SSBP2: variants seen among roughly 807,000 people sequenced by gnomAD.
SSBP2 encodes the protein single stranded DNA binding protein 2.
In SSBP2, 17 loss-of-function variants were observed where a neutral mutation model predicts 61.8. That is an observed-to-expected ratio of 0.28 (90% confidence interval 0.19 to 0.41). The LOEUF (loss-of-function observed/expected upper bound fraction) is 0.41, where lower values mean the gene tolerates loss of function less well. Ranked by LOEUF, SSBP2 falls within the 10% of genes least tolerant of loss-of-function variation. The probability of loss-of-function intolerance (pLI) is 1.00; values close to 1 mark genes in which losing one functional copy is unlikely to be tolerated. For missense variants in SSBP2, 310 were observed against 458.7 expected, an observed-to-expected ratio of 0.68 and a Z score of 2.96; for synonymous variants, 139 against 141.3, an observed-to-expected ratio of 0.98 and a Z score of 0.12.
At chr5:81,573,306 A>G (rs1773967200) in intron 4 of SSBP2, among the ~76,000 whole-genome samples, 1 of 152,260 alleles carries the variant, frequency 6.6e-6, no homozygotes, top group African/African-American at 2.4e-5. Flanking sequence ...TGAAATGAAA[A>G]GATGCTCTGT....
At chr5:81,609,924 C>T (rs1374717948) in intron 4 of SSBP2, among the ~76,000 whole-genome samples, 4 of 152,162 alleles carry the variant, frequency 2.6e-5, no homozygotes, top group Non-Finnish European at 5.9e-5. Flanking sequence ...AGAAACCACC[C>T]GATTCCAGGT....
rs760273824 is a variant in SSBP2, at chr5:81,428,592, C to T, written c.1049G>A (p.Ser350Asn). ...AGTCAAGGGAATACTTACACTCTCA[C>T]TCTGAAAAGGATTTAAGAAATTTCC... The change falls in exon 16 of 17, where the codon AGT (serine) becomes AAT (asparagine). Residue 350 changes from serine (S) to asparagine (N), a missense_variant. By Grantham distance (46) the Ser-to-Asn change is conservative. Coordinates refer to ENST00000320672, the MANE Select transcript of SSBP2 (RefSeq NM_012446.5). The T allele has an allele frequency of 6.2e-7, 1 of 1,611,992 alleles. No homozygotes were observed.
intron 1 of SSBP2, among the ~76,000 whole-genome samples, chr5:81,668,248 TAAAAAAAAAAA>T (rs11332987): frequency 1.3e-4 from 12 of 94,906 alleles, no homozygotes; most frequent in Admixed American, 2.3e-4. Context: ...TATGGAAGTT[TAAAAAAAAAAA>T]AAAAAAAAAA....
chr5:81,605,620 T>C (rs1343862275), intron 4 of SSBP2, among the ~76,000 whole-genome samples: 1 of 152,128 alleles, frequency 6.6e-6, no homozygotes. Flanking sequence ...AAAATCCTAC[T>C]AGGATTTTTT....
rs116223295 is a variant in SSBP2, at chr5:81,507,493, G to A, written c.372+6135C>T. 4.2e-3 allele frequency among the ~76,000 whole-genome samples: 639 copies of A among 151,926 alleles called. 3 individuals carry two copies. The highest frequency in any genetic ancestry group is 0.014 in the African/African-American group (592 of 41,458). ...AAAATACATGATAAAAGAAAACAAA[G>A]GTCTATATAGAGTTCAAAATTAGAT... On this transcript the variant is annotated intron_variant, in intron 5 of 16. Transcript: ENST00000320672.
intron 4 of SSBP2, among the ~76,000 whole-genome samples, chr5:81,526,702 T>A (rs1769967415): frequency 6.6e-6 from 1 of 152,054 alleles, no homozygotes; most frequent in Non-Finnish European, 1.5e-5. Context: ...TGCAAGCTTT[T>A]TAATTCAACA....
chr5:81,718,445 C>T (rs931941136), intron 1 of SSBP2, among the ~76,000 whole-genome samples: 4 of 152,134 alleles, frequency 2.6e-5, no homozygotes, highest in African/African-American at 9.7e-5. Flanking sequence ...AGTAAGCTAG[C>T]TCATGTCAGA....
At chr5:81,689,312 A>G (rs1354018449) in intron 1 of SSBP2, among the ~76,000 whole-genome samples, 2 of 152,152 alleles carry the variant, frequency 1.3e-5, no homozygotes, top group African/African-American at 4.8e-5. Context: ...TATTCAAAGG[A>G]ATAATAACAG....
intron 4 of SSBP2, among the ~76,000 whole-genome samples, chr5:81,577,265 T>C (rs927337104): frequency 3.3e-5 from 5 of 152,044 alleles, no homozygotes; most frequent in South Asian, 4.1e-4. Context: ...GTTATAAAAA[T>C]CAGCTCTATA....
intron 5 of SSBP2, among the ~76,000 whole-genome samples, chr5:81,501,257 A>G (rs1242065564): frequency 1.5e-5 from 1 of 64,964 alleles, no homozygotes; most frequent in Non-Finnish European, 2.7e-5. Flanking sequence ...ATATATATAT[A>G]TATATATATA....
intron 1 of SSBP2, among the ~76,000 whole-genome samples, chr5:81,659,581 A>C (rs1427087565): frequency 4.6e-5 from 7 of 152,104 alleles, no homozygotes; most frequent in African/African-American, 1.7e-4. Context: ...TGAAAATGGC[A>C]ATACTGCCCT....
At chr5:81,683,302 G>A (rs902573834) in intron 1 of SSBP2, among the ~76,000 whole-genome samples, 1 of 152,150 alleles carries the variant, frequency 6.6e-6, no homozygotes, top group Non-Finnish European at 1.5e-5. Flanking sequence ...CAGTGGAACA[G>A]AATAAAGAGC....
intron 1 of SSBP2, among the ~76,000 whole-genome samples, chr5:81,725,422 C>CACTA (rs1279911126): frequency 6.6e-6 from 1 of 152,030 alleles, no homozygotes; most frequent in Non-Finnish European, 1.5e-5. Context: ...TGAGAATGTA[C>CACTA]ACTAGTACAG....
At chr5:81,454,102 C>T (rs552278736) in intron 10 of SSBP2, among the ~76,000 whole-genome samples, 1 of 152,088 alleles carries the variant, frequency 6.6e-6, no homozygotes, top group Non-Finnish European at 1.5e-5. Context: ...ATTAAAAAGA[C>T]AGGCCAAGGA....
chr5:81,642,858 T>C (rs1748912377), intron 2 of SSBP2, among the ~76,000 whole-genome samples: 1 of 152,148 alleles, frequency 6.6e-6, no homozygotes. Context: ...CTAACATTTG[T>C]ACAAAAAAGA....
intron 4 of SSBP2, among the ~76,000 whole-genome samples, chr5:81,551,681 A>C (rs1392656535): frequency 6.6e-6 from 1 of 152,192 alleles, no homozygotes; most frequent in African/African-American, 2.4e-5. Context: ...ATCTTATTTA[A>C]ATTTTTTGTT....
At chr5:81,514,936 T>C (rs1375799696) in intron 4 of SSBP2, among the ~76,000 whole-genome samples, 2 of 152,090 alleles carry the variant, frequency 1.3e-5, no homozygotes, top group Non-Finnish European at 2.9e-5. Context: ...ATAAGGCATA[T>C]GAATATAAAA....
rs1746623121 is a variant in SSBP2, at chr5:81,622,018, A to G, written c.198-6461T>C. On this transcript the variant is annotated intron_variant, in intron 3 of 16. Transcript: ENST00000320672. ...TATACCTAAGGCTAGATGACGAGTT[A>G]GTGGGTGCAGCGCAGCAGCATGGCA... 2.0e-5 allele frequency among the ~76,000 whole-genome samples: 3 copies of G among 147,272 alleles called. No homozygotes were observed. The South Asian group carries it at 6.8e-4, about 33-fold the overall frequency.
rs144259705 is a variant in SSBP2 at position 81,583,149 on chromosome 5, G to A, written c.282+32324C>T. On this transcript the variant is annotated intron_variant, in intron 4 of 16. Transcript: ENST00000320672. ...GGAGGATCCTTTGATCCCAGGAGTT[G>A]GAGGCTGCAGTGAGCTATGATCATG... Among the ~76,000 whole-genome samples, 687 of 152,206 alleles carry A rather than the reference G, an allele frequency of 4.5e-3. 5 individuals carry two copies. The highest frequency in any genetic ancestry group is 0.015 in the African/African-American group (625 of 41,554).
Sources: gnomAD v4.1 joint callset for allele counts (sites outside exome capture counted in the v4.1 genomes callset) on GRCh38, gnomAD v4.1.1 for gene constraint, MANE v1.5 for transcripts, NCBI Gene and HGNC (gene_info 2026-07-23, HGNC 2026-07-21) for gene names.